ROBO2: variants seen among roughly 807,000 people sequenced by gnomAD.
ROBO2 encodes roundabout homolog 2.
ROBO2 carries 53 observed loss-of-function variants against 160.8 expected under a neutral mutation model. That is an observed-to-expected ratio of 0.33 (90% CI 0.26 to 0.41). The LOEUF (loss-of-function observed/expected upper bound fraction) is 0.41. Ranked by LOEUF, ROBO2 falls within the 10% of genes least tolerant of loss-of-function variation. The probability of loss-of-function intolerance (pLI) is 1.00; values close to 1 mark genes in which losing one functional copy is unlikely to be tolerated. For synonymous variants in ROBO2, 664 were observed against 611.7 expected (o/e 1.09, Z -1.26); for missense variants, 1,577 against 1,722.4 (o/e 0.92, Z 1.49).
intron 2 of ROBO2, among the ~76,000 whole-genome samples, chr3:76,304,996 A>G (rs1313561930): frequency 6.6e-6 from 1 of 151,984 alleles, no homozygotes; most frequent in Non-Finnish European, 1.5e-5. Flanking sequence ...CATAGCAGAA[A>G]TAGGAGACTT....
rs529505340 is a variant in ROBO2 at position 76,090,051 on chromosome 3, T to C, written c.109+152449T>C. Among the ~76,000 whole-genome samples the C allele has an allele frequency of 6.6e-5, 10 of 152,274 alleles. No homozygotes were observed. The South Asian group carries it at 2.1e-3, about 32-fold the overall frequency. On this transcript the variant is annotated intron_variant, in intron 2 of 26. Transcript: ENST00000487694. The stretch of plus-strand genomic sequence containing the variant: ...AGCGATGAACAAGCACAATTTGAAA[T>C]TACAAACACACTAACATTTACATTA...
At chr3:77,208,060 C>A (rs1051935429) in intron 2 of ROBO2, among the ~76,000 whole-genome samples, 2 of 152,058 alleles carry the variant, frequency 1.3e-5, no homozygotes, top group Non-Finnish European at 2.9e-5. Context: ...GTAAGATGTG[C>A]GCATTAGAAC....
intron 2 of ROBO2, among the ~76,000 whole-genome samples, chr3:76,571,927 A>G (rs542699887): frequency 6.6e-6 from 1 of 152,274 alleles, no homozygotes; most frequent in Non-Finnish European, 1.5e-5. Context: ...GGATCACTTG[A>G]GCCCAAGAGC....
chr3:77,026,678 G>T (rs2062985496), intron 2 of ROBO2, among the ~76,000 whole-genome samples: 1 of 152,180 alleles, frequency 6.6e-6, no homozygotes, highest in Non-Finnish European at 1.5e-5. Flanking sequence ...GGCTTTAGAA[G>T]TCACTATTTC....
intron 2 of ROBO2, among the ~76,000 whole-genome samples, chr3:76,504,148 A>G (rs933160882): frequency 1.3e-5 from 2 of 152,220 alleles, no homozygotes; most frequent in Non-Finnish European, 1.5e-5. Flanking sequence ...AAAAATACGC[A>G]TAACAAAAAC....
chr3:76,181,552 T>C (rs1297890912), intron 2 of ROBO2, among the ~76,000 whole-genome samples: 1 of 152,140 alleles, frequency 6.6e-6, no homozygotes, highest in Non-Finnish European at 1.5e-5. Flanking sequence ...GAAGATATAA[T>C]ATTTTGTATG....
chr3:76,637,302 C>A (rs2109592868), intron 2 of ROBO2, among the ~76,000 whole-genome samples: 1 of 152,060 alleles, frequency 6.6e-6, no homozygotes, highest in South Asian at 2.1e-4. Context: ...TTTGAGCTGA[C>A]CTGGACTTAG....
intron 5 of ROBO2, among the ~76,000 whole-genome samples, chr3:77,499,707 G>C (rs2153605894): frequency 6.9e-6 from 1 of 145,954 alleles, no homozygotes; most frequent in Non-Finnish European, 1.5e-5. Flanking sequence ...GGAGTGCAGT[G>C]GCACGATCCC....
At chr3:77,399,310 T>G (rs2075584261) in intron 2 of ROBO2, among the ~76,000 whole-genome samples, 1 of 152,208 alleles carries the variant, frequency 6.6e-6, no homozygotes, top group African/African-American at 2.4e-5. Context: ...GCTCTGCAGA[T>G]AGGATGCCCA....
chr3:76,917,639 A>T (rs1430584835), intron 2 of ROBO2, among the ~76,000 whole-genome samples: 1 of 152,170 alleles, frequency 6.6e-6, no homozygotes, highest in Non-Finnish European at 1.5e-5. Context: ...TGTGTCAAAT[A>T]TGGCAAAAAA....
At chr3:76,568,058 A>G (rs917334479) in intron 2 of ROBO2, among the ~76,000 whole-genome samples, 1 of 151,274 alleles carries the variant, frequency 6.6e-6, no homozygotes, top group Non-Finnish European at 1.5e-5. Context: ...CAAGCGATCC[A>G]CCAGCCTTAG....
intron 2 of ROBO2, among the ~76,000 whole-genome samples, chr3:76,291,757 G>T (rs1206849236): frequency 6.6e-6 from 1 of 152,052 alleles, no homozygotes; most frequent in East Asian, 1.9e-4. Flanking sequence ...CTTGATTTAT[G>T]CCTTAATTTC....
At chr3:77,482,600 T>C (rs1291984328) in intron 4 of ROBO2, among the ~76,000 whole-genome samples, 1 of 152,028 alleles carries the variant, frequency 6.6e-6, no homozygotes, top group Non-Finnish European at 1.5e-5. Flanking sequence ...ATAGAAAAAA[T>C]AGAATTGTTC....
intron 2 of ROBO2, among the ~76,000 whole-genome samples, chr3:77,191,075 T>A (rs2081795685): frequency 6.6e-6 from 1 of 152,088 alleles, no homozygotes; most frequent in Non-Finnish European, 1.5e-5. Flanking sequence ...GACTATAGAC[T>A]CCCATTAAAT....
intron 2 of ROBO2, among the ~76,000 whole-genome samples, chr3:76,405,764 A>G (rs923911182): frequency 5.3e-5 from 8 of 151,716 alleles, no homozygotes; most frequent in South Asian, 4.1e-4. Context: ...AAGCACTCAT[A>G]TAAGTAGCTG....
At chr3:76,231,753 G>T (rs1195618094) in intron 2 of ROBO2, among the ~76,000 whole-genome samples, 1 of 152,146 alleles carries the variant, frequency 6.6e-6, no homozygotes, top group Admixed American at 6.5e-5. Context: ...CTGTATAGAG[G>T]TTTAGTTTTT....
intron 2 of ROBO2, among the ~76,000 whole-genome samples, chr3:76,961,019 C>A (rs1486529741): frequency 1.3e-5 from 2 of 151,970 alleles, no homozygotes; most frequent in African/African-American, 2.4e-5. Context: ...AATGTAAAGT[C>A]TTTTATATAA....
chr3:77,444,817 T>A (rs2080300394), intron 2 of ROBO2, among the ~76,000 whole-genome samples: 1 of 152,180 alleles, frequency 6.6e-6, no homozygotes, highest in African/African-American at 2.4e-5. Context: ...AGGGCAGGGA[T>A]TTCATATTTG....
At chr3:77,149,034 ATTTT>A (rs71104654) in intron 2 of ROBO2, among the ~76,000 whole-genome samples, 5 of 126,114 alleles carry the variant, frequency 4.0e-5, no homozygotes, top group Non-Finnish European at 3.3e-5. Flanking sequence ...GACAAAGTAA[ATTTT>A]TTTTTTTTTT....
Sources: gnomAD v4.1 joint callset for allele counts (sites outside exome capture counted in the v4.1 genomes callset) on GRCh38, gnomAD v4.1.1 for gene constraint, MANE v1.5 for transcripts, NCBI Gene and HGNC (gene_info 2026-07-23, HGNC 2026-07-21) for gene names.